Variants in FGD1 observed in about 807,000 individuals in gnomAD.
The protein encoded by FGD1 is FYVE, RhoGEF and PH domain containing 1.
A neutral mutation model predicts 65.0 loss-of-function variants in FGD1; 12 were observed. The observed-to-expected ratio is 0.18, with a 90% confidence interval of 0.12 to 0.30. The LOEUF (loss-of-function observed/expected upper bound fraction) is 0.30, where lower values mean the gene tolerates loss of function less well. FGD1 is among the 10% of genes least tolerant of loss of function. The pLI is 1.00. For missense variants in FGD1, 542 were observed against 837.6 expected (o/e 0.65, Z 4.36); for synonymous variants, 333 against 343.9 (o/e 0.97, Z 0.35).
rs1923302682 is a variant in FGD1, at chrX:54,487,329, G to A, written c.307+7797C>T. 4.5e-5 allele frequency among the ~76,000 whole-genome samples: 5 copies of A among 112,246 alleles called. No individual in the cohort carries two copies. In the South Asian group the frequency reaches 1.9e-3, roughly 42 times the overall value. On this transcript the variant is annotated intron_variant, in intron 1 of 17. Coordinates refer to ENST00000375135, the MANE Select transcript of FGD1 (RefSeq NM_004463.3). ...GCCAACCTTACTGTCTGTCTTCAAG[G>A]ATGGGACTGGCTCCCAGATCTATAC... is the stretch of plus-strand genomic sequence containing the variant.
At chrX:54,473,247 A>C (rs1233725617) in intron 1 of FGD1, among the ~76,000 whole-genome samples, 1 of 112,241 alleles carries the variant, frequency 8.9e-6, no homozygotes, top group African/African-American at 3.2e-5. Flanking sequence ...GACATTCTTC[A>C]AACATGGTTT....
intron 8 of FGD1, among the ~76,000 whole-genome samples, chrX:54,461,530 G>A (rs1002892879): frequency 9.7e-6 from 1 of 102,916 alleles, no homozygotes. Context: ...GAACCAGGGA[G>A]GCGGAGGTTG....
At chrX:54,482,265 CACAG>C (rs1482350344) in intron 1 of FGD1, among the ~76,000 whole-genome samples, 1 of 112,294 alleles carries the variant, frequency 8.9e-6, no homozygotes, top group Non-Finnish European at 1.9e-5. Context: ...CACACACACA[CACAG>C]ACAAACCAAG....
At chrX:54,453,168 G>A (rs1404839878) in intron 12 of FGD1, among the ~76,000 whole-genome samples, 1 of 110,792 alleles carries the variant, frequency 9.0e-6, no homozygotes, top group African/African-American at 3.3e-5. Flanking sequence ...CTGTCACGTG[G>A]CTTGTCACTC....
chrX:54,468,783 T>C lies in FGD1; in HGVS notation c.1191+4A>G, dbSNP rs768859736. The C allele has an allele frequency of 8.3e-7, 1 of 1,199,287 alleles. No individual in the cohort carries two copies. Among genetic ancestry groups the C allele is most frequent in the Non-Finnish European group, 1.1e-6 (1 of 885,851 alleles). Reference sequence around the variant, plus strand: ...GGCCCTCGTACCCCCAAGGGGCCACTCACCTGATCCAGGAGATGGAGCCTG... The same window carrying C: ...GGCCCTCGTACCCCCAAGGGGCCACCCACCTGATCCAGGAGATGGAGCCTG... On this transcript the variant is annotated splice_donor_region_variant and intron_variant, in intron 5 of 17. Transcript: ENST00000375135.
chrX:54,486,909 C>T (rs751573928), intron 1 of FGD1, among the ~76,000 whole-genome samples: 9 of 106,577 alleles, frequency 8.4e-5, no homozygotes, highest in East Asian at 3.3e-4. Context: ...ATTGCTTGAA[C>T]GGGGACCTGG....
chrX:54,457,305 CAAT>C (rs1377405952), intron 8 of FGD1, among the ~76,000 whole-genome samples: 1 of 111,543 alleles, frequency 9.0e-6, no homozygotes, highest in Non-Finnish European at 1.9e-5. Context: ...TATAAAGAAA[CAAT>C]GAGATGATCC....
intron 1 of FGD1, among the ~76,000 whole-genome samples, chrX:54,491,765 A>G (rs1327272673): frequency 9.0e-6 from 1 of 111,281 alleles, no homozygotes; most frequent in Non-Finnish European, 1.9e-5. Flanking sequence ...AAGGTCAACA[A>G]GAGATTCTGA....
chrX:54,452,943 C>T (rs1286086342), intron 12 of FGD1, among the ~76,000 whole-genome samples: 1 of 111,118 alleles, frequency 9.0e-6, no homozygotes, highest in Admixed American at 9.6e-5. Flanking sequence ...AAGTTGTGGG[C>T]ATCTGGGTGC....
chrX:54,459,885 A>T (rs1412529978), intron 8 of FGD1, among the ~76,000 whole-genome samples: 1 of 109,986 alleles, frequency 9.1e-6, no homozygotes, highest in African/African-American at 3.3e-5. Flanking sequence ...ACAAAACAGG[A>T]AGCTCAATTT....
chrX:54,487,115 C>T (rs1259202114), intron 1 of FGD1, among the ~76,000 whole-genome samples: 1 of 109,572 alleles, frequency 9.1e-6, no homozygotes, highest in Non-Finnish European at 1.9e-5. Flanking sequence ...AAGTGATTCT[C>T]GTGCCTCAGC....
chrX:54,458,525 A>G (rs1199591669), intron 8 of FGD1, among the ~76,000 whole-genome samples: 1 of 88,242 alleles, frequency 1.1e-5, no homozygotes. Context: ...TGGGTGACAG[A>G]GCGAGACTAC....
chrX:54,479,294 TC>T (rs1053816867), intron 1 of FGD1, among the ~76,000 whole-genome samples: 1 of 110,936 alleles, frequency 9.0e-6, no homozygotes, highest in Admixed American at 9.6e-5. Flanking sequence ...TGCCAAGTTT[TC>T]CCCCTCCCAG....
At chrX:54,494,716 C>T (rs142949001) in intron 1 of FGD1, among the ~76,000 whole-genome samples, 120 of 111,359 alleles carry the variant, frequency 1.1e-3, no homozygotes, top group African/African-American at 3.6e-3. Flanking sequence ...GCACCCAGTC[C>T]AGTGCCTGGT....
chrX:54,467,735 G>A, intron 6 of FGD1, 49 bp downstream of exon 6: 1 of 1,144,691 alleles, frequency 8.7e-7, no homozygotes, highest in Non-Finnish European at 1.2e-6. Flanking sequence ...TCTGGGCTCG[G>A]CAGGCAGGTG....
In FGD1 at chrX:54,446,130, G is replaced by A. The variant is rs1191614746; in HGVS notation, c.2865C>T (p.Pro955=). The change falls in exon 18 of 18, where the codon CCC becomes CCT. Residue 955 remains proline (P), a synonymous_variant. Coordinates refer to ENST00000375135, the MANE Select transcript of FGD1 (RefSeq NM_004463.3). ...LGATAEPPES[P]QTRDKT ...CCCTCTAGGTCTTGTCTCGGGTCTG[G>A]GGGGATTCGGGGGGTTCAGCAGTGG... 1 of 1,209,727 alleles carries A rather than the reference G, an allele frequency of 8.3e-7. No individual in the cohort carries two copies.
At position 54,495,591 on chromosome X, in the gene FGD1, C is replaced by T. The variant is rs1923519841; in HGVS notation, c.-159G>A. Reference sequence around the variant, plus strand: ...CCACTGCAGAGACTCAAGCCCCCAGCCCGGGCCCGGGCCAGCAGCCGTGGC... The same window carrying T: ...CCACTGCAGAGACTCAAGCCCCCAGTCCGGGCCCGGGCCAGCAGCCGTGGC... On this transcript the variant is annotated 5_prime_UTR_variant, in exon 1 of 18. Transcript: ENST00000375135. 3.7e-6 allele frequency: 1 copy of T among 270,581 alleles called. No individual in the cohort carries two copies. Among genetic ancestry groups the T allele is most frequent in the Non-Finnish European group, 6.2e-6 (1 of 161,919 alleles). The allele number at this position is 270,581 out of a possible 1,213,427, so 22.3% of individuals were successfully genotyped here. A position where few individuals can be genotyped will look rare whatever the true frequency, so the allele number is the denominator to read the frequency against.
chrX:54,478,512 G>C (rs1490317798), intron 1 of FGD1, among the ~76,000 whole-genome samples: 1 of 111,163 alleles, frequency 9.0e-6, no homozygotes, highest in Non-Finnish European at 1.9e-5. Flanking sequence ...ACCTGTATTA[G>C]GAACAGCTGG....
intron 8 of FGD1, among the ~76,000 whole-genome samples, chrX:54,461,241 G>A (rs1922621424): frequency 9.0e-6 from 1 of 110,935 alleles, no homozygotes; most frequent in African/African-American, 3.3e-5. Flanking sequence ...TAATTTGGGG[G>A]ACAGTCTAAT....
Sources: gnomAD v4.1 joint callset for allele counts (sites outside exome capture counted in the v4.1 genomes callset) on GRCh38, gnomAD v4.1.1 for gene constraint, MANE v1.5 for transcripts, NCBI Gene and HGNC (gene_info 2026-07-23, HGNC 2026-07-21) for gene names.